Variants in ERICH1 observed in about 807,000 individuals in gnomAD.
The protein encoded by ERICH1 is glutamate rich 1, also known as glutamate-rich protein 1.
In ERICH1, 56 loss-of-function variants were observed where a neutral mutation model predicts 39.6. The ratio of observed to expected loss-of-function variants is 1.41; its 90% confidence interval spans 1.14 to 1.77. ERICH1 has a LOEUF of 1.77. ERICH1 is among the 40% of genes most tolerant of loss of function. The probability of loss-of-function intolerance (pLI) is 0.00; values close to 1 mark genes in which losing one functional copy is unlikely to be tolerated. For missense variants in ERICH1, 826 were observed against 575.4 expected, an observed-to-expected ratio of 1.44 and a Z score of -4.45; for synonymous variants, 313 against 223.6, an observed-to-expected ratio of 1.40 and a Z score of -3.57.
intron 3 of ERICH1, among the ~76,000 whole-genome samples, chr8:653,786 A>G (rs903733915): frequency 6.6e-6 from 1 of 152,074 alleles, no homozygotes; most frequent in Non-Finnish European, 1.5e-5. Flanking sequence ...CGAATCCCGC[A>G]GGGTGGCACT....
intron 3 of ERICH1, among the ~76,000 whole-genome samples, chr8:683,425 G>A (rs573517812): frequency 4.2e-4 from 64 of 152,208 alleles, no homozygotes; most frequent in Non-Finnish European, 9.1e-4. Context: ...AGGGTCAGCC[G>A]TGAGGGTCAG....
intron 3 of ERICH1, among the ~76,000 whole-genome samples, chr8:635,616 C>T (rs1316369705): frequency 6.6e-6 from 1 of 152,214 alleles, no homozygotes; most frequent in Non-Finnish European, 1.5e-5. Flanking sequence ...GAGGACCCTG[C>T]GGGATGTGTC....
intron 2 of ERICH1, among the ~76,000 whole-genome samples, chr8:699,874 G>GCGCACAGGCCCGCACAC (rs1811415578): frequency 3.3e-5 from 1 of 30,580 alleles, no homozygotes; most frequent in African/African-American, 1.4e-4. Context: ...GACCCTCACA[G>GCGCACAGGCCCGCACAC]GCGCACAGAT....
chr8:634,566 T>A (rs1393034342), intron 3 of ERICH1, among the ~76,000 whole-genome samples: 2 of 152,184 alleles, frequency 1.3e-5, no homozygotes, highest in East Asian at 3.9e-4. Flanking sequence ...CAGGTTTGCT[T>A]GCGGCTCACT....
intron 3 of ERICH1, among the ~76,000 whole-genome samples, chr8:655,410 G>A (rs929452585): frequency 3.3e-5 from 5 of 152,228 alleles, no homozygotes; most frequent in Non-Finnish European, 4.4e-5. Context: ...AGTCTCACTC[G>A]TTTTTGTTTG....
At chr8:680,394 C>T (rs1053775588) in intron 3 of ERICH1, among the ~76,000 whole-genome samples, 5 of 151,670 alleles carry the variant, frequency 3.3e-5, no homozygotes, top group African/African-American at 1.2e-4. Context: ...CCCCTGAAAA[C>T]ACAGAAAGTC....
rs760070530 is a variant in ERICH1, at chr8:674,046, A to G, written c.306T>C (p.Asp102=). Residue 102 remains aspartate (D), a splice_region_variant and synonymous_variant, in exon 4 of 6, where the codon GAT becomes GAC. Coordinates refer to ENST00000262109, the MANE Select transcript of ERICH1 (RefSeq NM_207332.3). ...TCTTTGGCTGGTCATGAGGATCCTG[A>G]TCTGTTAAAAAAATTCAAATATAAC... is the stretch of plus-strand genomic sequence containing the variant. ...ENASSGDDTE[D]QDPHDQPKRR... 30 of 1,536,572 alleles carry G rather than the reference A, an allele frequency of 2.0e-5. No individual in the cohort carries two copies. The Admixed American group carries it at 3.2e-4, about 16-fold the overall frequency.
intron 2 of ERICH1, among the ~76,000 whole-genome samples, chr8:705,846 G>A (rs182628189): frequency 3.5e-4 from 53 of 152,332 alleles, no homozygotes; most frequent in African/African-American, 1.2e-3. Context: ...AAGGCTGGCC[G>A]CATGGGGGAC....
intron 2 of ERICH1, among the ~76,000 whole-genome samples, chr8:702,330 C>G (rs760450637): frequency 4.6e-5 from 7 of 152,132 alleles, no homozygotes; most frequent in Non-Finnish European, 1.0e-4. Flanking sequence ...CCTGGAGAAA[C>G]AAGAACGCCG....
intron 3 of ERICH1, among the ~76,000 whole-genome samples, chr8:690,250 A>T (rs75689328): frequency 0.018 from 2,774 of 152,336 alleles, 41 homozygotes; most frequent in Middle Eastern, 0.027. Context: ...AAGCACCCAC[A>T]GTCTGTGCTT....
chr8:705,152 T>C (rs1234353069), intron 2 of ERICH1, among the ~76,000 whole-genome samples: 2 of 152,232 alleles, frequency 1.3e-5, no homozygotes, highest in East Asian at 3.8e-4. Flanking sequence ...TTGCCATAAT[T>C]ACCATGCTTT....
intron 3 of ERICH1, chr8:616,656 G>A: frequency 2.2e-6 from 1 of 453,964 alleles, no homozygotes; most frequent in Non-Finnish European, 4.4e-6. Flanking sequence ...GACAGACGGG[G>A]GCGCGGGGGA....
intron 3 of ERICH1, among the ~76,000 whole-genome samples, chr8:689,180 C>T (rs1201745575): frequency 2.0e-5 from 3 of 152,000 alleles, no homozygotes; most frequent in Non-Finnish European, 4.4e-5. Flanking sequence ...GGTATGATCT[C>T]GGCTCACCAC....
chr8:721,848 GT>G (rs1312696923), intron 1 of ERICH1, among the ~76,000 whole-genome samples: 2 of 152,220 alleles, frequency 1.3e-5, no homozygotes, highest in African/African-American at 4.8e-5. Context: ...GATCCAATGT[GT>G]TTTTACCTAA....
At chr8:664,799 C>G in intron 5 of ERICH1, 123 bp from the exon 6 acceptor site, 9 of 684,164 alleles carry the variant, frequency 1.3e-5, no homozygotes, top group Non-Finnish European at 2.4e-6. Flanking sequence ...TAATAAAATG[C>G]AACTTTGGCA....
chr8:696,031 C>T (rs1182629320), intron 2 of ERICH1, among the ~76,000 whole-genome samples: 1 of 22,236 alleles, frequency 4.5e-5, no homozygotes, highest in African/African-American at 1.9e-4. Context: ...TCACCCTCCA[C>T]TCCTCTCCTT....
intron 2 of ERICH1, 142 bp downstream of exon 2, chr8:715,719 T>G (rs1815780466): frequency 8.4e-7 from 1 of 1,185,826 alleles, no homozygotes; most frequent in African/African-American, 1.5e-5. Flanking sequence ...GAGCGATGCC[T>G]GCCCTGCCCA....
chr8:658,650 G>C (rs1405965379), intron 3 of ERICH1, among the ~76,000 whole-genome samples: 1 of 152,160 alleles, frequency 6.6e-6, no homozygotes, highest in Non-Finnish European at 1.5e-5. Context: ...GCCTCAATGA[G>C]ATCATCAGGG....
At position 715,871 on chromosome 8, in the gene ERICH1, C is replaced by G. The variant is rs757944106; in HGVS notation, c.159G>C (p.Glu53Asp). The change falls in exon 2 of 6, where the codon GAG becomes GAC. Residue 53 changes from glutamate (E) to aspartate (D), a missense_variant. Coordinates refer to ENST00000262109, the MANE Select transcript of ERICH1 (RefSeq NM_207332.3). Reference sequence around the variant, plus strand: ...TGCAGACAAACTCACCTGTCAAAGGCTCAGCATGTTTCTGGCTCACTTTCT... The same window carrying G: ...TGCAGACAAACTCACCTGTCAAAGGGTCAGCATGTTTCTGGCTCACTTTCT... ...TSEKVSQKHAEPLTDTGSETP... is the reference protein window; with the variant it reads ...TSEKVSQKHADPLTDTGSETP... 1 of 1,612,472 alleles carries G rather than the reference C, an allele frequency of 6.2e-7. No individual in the cohort carries two copies. The highest frequency in any genetic ancestry group is 8.5e-7 in the Non-Finnish European group (1 of 1,179,416).
Sources: gnomAD v4.1 joint callset for allele counts (sites outside exome capture counted in the v4.1 genomes callset) on GRCh38, gnomAD v4.1.1 for gene constraint, MANE v1.5 for transcripts, NCBI Gene and HGNC (gene_info 2026-07-23, HGNC 2026-07-21) for gene names.